TANC2: variants seen among roughly 807,000 people sequenced by gnomAD.
TANC2 encodes protein TANC2.
Under a neutral mutation model 210.5 loss-of-function variants are expected in TANC2, and 26 were observed. The observed-to-expected ratio is 0.12, with a 90% CI of 0.09 to 0.17. The LOEUF is 0.17. Among genes scored for constraint, TANC2 ranks in the 10% least tolerant of loss-of-function variants. TANC2 has a pLI of 1.00. For missense variants in TANC2, 2,129 were observed against 2,608.9 expected (o/e 0.82, Z 4.01); for synonymous variants, 931 against 967.1 (o/e 0.96, Z 0.69).
intron 2 of TANC2, among the ~76,000 whole-genome samples, chr17:63,072,873 C>G (rs902086428): frequency 6.6e-6 from 1 of 151,962 alleles, no homozygotes; most frequent in Non-Finnish European, 1.5e-5. Flanking sequence ...TAAAAGGAAG[C>G]TTTATATCAA....
intron 9 of TANC2, among the ~76,000 whole-genome samples, chr17:63,287,822 G>A (rs1216075483): frequency 6.6e-6 from 1 of 151,956 alleles, no homozygotes; most frequent in East Asian, 1.9e-4. Flanking sequence ...CTACAGGTGA[G>A]CACCACCATG....
intron 4 of TANC2, among the ~76,000 whole-genome samples, chr17:63,121,309 G>A (rs55923103): frequency 6.6e-6 from 1 of 152,020 alleles, no homozygotes; most frequent in Non-Finnish European, 1.5e-5. Context: ...TCTTCTATAA[G>A]ATGAATGAAG....
At chr17:63,316,902 G>A (rs2045330912) in intron 10 of TANC2, among the ~76,000 whole-genome samples, 1 of 151,886 alleles carries the variant, frequency 6.6e-6, no homozygotes, top group Admixed American at 6.6e-5. Flanking sequence ...TAGTAAGAAT[G>A]ATGTCTGTAT....
At chr17:63,064,235 G>A (rs1023572195) in intron 2 of TANC2, among the ~76,000 whole-genome samples, 4 of 152,102 alleles carry the variant, frequency 2.6e-5, no homozygotes, top group Non-Finnish European at 5.9e-5. Context: ...CGAAAGGATT[G>A]CTTGAGCCCA....
In TANC2 at chr17:63,412,208, T is replaced by A. The variant is rs2048725791; in HGVS notation, c.3898+78T>A. 1 of 1,593,954 alleles carries A rather than the reference T, an allele frequency of 6.3e-7. No homozygotes were observed. The highest frequency in any genetic ancestry group is 1.3e-5 in the African/African-American group (1 of 74,532). On this transcript the variant is annotated intron_variant, in intron 23 of 27. Transcript: ENST00000689528. This position sits in a 1 kb window ranked among gnomAD's most constrained non-coding sequence, Gnocchi z 4.2. ...CCAGTGGTCTGGCTGCCCTGGGTAT[T>A]TGGTGTGAGTGTATATAGTTCCCCC...
At chr17:63,174,953 T>G (rs2040526350) in intron 5 of TANC2, among the ~76,000 whole-genome samples, 1 of 152,128 alleles carries the variant, frequency 6.6e-6, no homozygotes, top group African/African-American at 2.4e-5. Flanking sequence ...CACTAAAAAT[T>G]ATAAATAAAC....
intron 19 of TANC2, among the ~76,000 whole-genome samples, chr17:63,403,676 A>C (rs555255492): frequency 6.9e-4 from 105 of 152,350 alleles, no homozygotes; most frequent in African/African-American, 2.5e-3. Context: ...AAGAAATGCC[A>C]ATGTCAGGAG....
intron 1 of TANC2, among the ~76,000 whole-genome samples, chr17:62,990,238 C>T (rs1598200750): frequency 1.3e-5 from 2 of 152,188 alleles, no homozygotes; most frequent in East Asian, 3.9e-4. Context: ...TGATAGATGA[C>T]AGCAAAGGCA....
At chr17:63,284,403 G>A (rs2044157485) in intron 9 of TANC2, among the ~76,000 whole-genome samples, 1 of 151,766 alleles carries the variant, frequency 6.6e-6, no homozygotes, top group Non-Finnish European at 1.5e-5. Context: ...GTTTTTTGAT[G>A]TCTTTGTCTG....
chr17:63,302,442 T>G (rs2044748962), intron 9 of TANC2, among the ~76,000 whole-genome samples: 1 of 152,120 alleles, frequency 6.6e-6, no homozygotes, highest in Non-Finnish European at 1.5e-5. Context: ...AGAATTTGTT[T>G]TATGAATCTG....
intron 10 of TANC2, 115 bp downstream of exon 10, chr17:63,314,784 G>C (rs1047271139): frequency 3.1e-6 from 4 of 1,274,684 alleles, no homozygotes; most frequent in Middle Eastern, 3.9e-4. Context: ...TGACTTCCAC[G>C]TGAGGACTAT....
chr17:63,243,520 T>C (rs143009337), intron 8 of TANC2, among the ~76,000 whole-genome samples: 1 of 152,326 alleles, frequency 6.6e-6, no homozygotes, highest in African/African-American at 2.4e-5. Flanking sequence ...AACACACTAC[T>C]GTTACAACAT....
Position 63,219,617 on chromosome 17 carries a change from G to A in TANC2, c.770-18197G>A, listed in dbSNP as rs1366324879. On this transcript the variant is annotated intron_variant, in intron 7 of 27. Coordinates refer to ENST00000689528, the Ensembl canonical transcript of TANC2. Reference sequence around the variant, plus strand: ...AGTAGAGACGGGGTTTCCCCATATTGGTCGGTTGTTCTTGAACTCCTGACC... The same window carrying A: ...AGTAGAGACGGGGTTTCCCCATATTAGTCGGTTGTTCTTGAACTCCTGACC... Among the ~76,000 whole-genome samples, 3 of 151,984 alleles carry A rather than the reference G, an allele frequency of 2.0e-5. No individual in the cohort carries two copies. In the South Asian group the frequency reaches 6.2e-4, roughly 32 times the overall value.
At chr17:63,153,294 A>AC (rs2039720528) in intron 5 of TANC2, 1 of 152,198 alleles carries the variant, frequency 6.6e-6, no homozygotes, top group South Asian at 2.1e-4. Flanking sequence ...ATATACTAAC[A>AC]CCACTGATGA....
At chr17:63,131,656 T>G (rs554708177) in intron 4 of TANC2, among the ~76,000 whole-genome samples, 36 of 152,312 alleles carry the variant, frequency 2.4e-4, no homozygotes, top group Non-Finnish European at 5.0e-4. Context: ...GCTTTCAAGT[T>G]TGAAAGTAAT....
intron 2 of TANC2, among the ~76,000 whole-genome samples, chr17:63,064,303 A>C (rs1464218168): frequency 6.6e-6 from 1 of 151,874 alleles, no homozygotes; most frequent in Non-Finnish European, 1.5e-5. Context: ...CAAAAATTAC[A>C]AAAAAAAGTT....
chr17:63,008,240 C>T (rs1361410965), intron 1 of TANC2, among the ~76,000 whole-genome samples: 3 of 152,202 alleles, frequency 2.0e-5, no homozygotes, highest in East Asian at 1.9e-4. Context: ...TAATGTTAGA[C>T]AATTCTTGGT....
intron 7 of TANC2, among the ~76,000 whole-genome samples, chr17:63,202,073 TAAG>T (rs544768430): frequency 4.4e-4 from 67 of 152,286 alleles, no homozygotes; most frequent in African/African-American, 1.5e-3. Flanking sequence ...GGTATGGAGA[TAAG>T]AAGAGTAGGG....
chr17:63,246,169 A>G (rs1359742148), intron 8 of TANC2, among the ~76,000 whole-genome samples: 1 of 152,036 alleles, frequency 6.6e-6, no homozygotes, highest in East Asian at 1.9e-4. Flanking sequence ...AACTACAACA[A>G]ATAGATAATT....
Sources: gnomAD v4.1 joint callset for allele counts (sites outside exome capture counted in the v4.1 genomes callset) on GRCh38, gnomAD v4.1.1 for gene constraint, Gnocchi (gnomAD v3.1) non-coding constraint, MANE v1.5 for transcripts, NCBI Gene and HGNC (gene_info 2026-07-23, HGNC 2026-07-21) for gene names.